Variants in ATAD2B observed in about 807,000 individuals in gnomAD.
ATAD2B encodes ATPase family AAA domain-containing protein 2B.
Under a neutral mutation model 167.6 loss-of-function variants are expected in ATAD2B, and 40 were observed. The ratio of observed to expected loss-of-function variants is 0.24; its 90% CI spans 0.19 to 0.31. The LOEUF is 0.31. Ranked by LOEUF, ATAD2B falls within the 10% of genes least tolerant of loss-of-function variation. The pLI is 1.00. For synonymous variants in ATAD2B, 579 were observed against 596.5 expected (o/e 0.97, Z 0.43); for missense variants, 1,242 against 1,757.2 (o/e 0.71, Z 5.24).
At chr2:23,746,743 C>A (rs1360569683), downstream of ATAD2B, among the ~76,000 whole-genome samples, 2 of 152,160 alleles carry the variant, frequency 1.3e-5, no homozygotes, top group Non-Finnish European at 2.9e-5. Context: ...AGCTAGGTTT[C>A]TCACCAAGAT....
At chr2:23,683,413 C>T in the ATAD2B span, among the ~76,000 whole-genome samples, 14 of 152,356 alleles carry the variant, frequency 9.2e-5, no homozygotes, top group East Asian at 2.5e-3. Flanking sequence ...TGAGGCAAGG[C>T]TGTTGTGGGG....
intron 1 of ATAD2B, among the ~76,000 whole-genome samples, chr2:23,911,362 T>C (rs769375410): frequency 2.6e-5 from 4 of 151,852 alleles, no homozygotes; most frequent in Non-Finnish European, 5.9e-5. Flanking sequence ...TGAAACCAGC[T>C]TGGCATCTGG....
chr2:23,805,097 C>T (rs1294792092), intron 18 of ATAD2B, among the ~76,000 whole-genome samples: 1 of 150,418 alleles, frequency 6.6e-6, no homozygotes, highest in Non-Finnish European at 1.5e-5. Flanking sequence ...GAGCCGAGAT[C>T]ACGCTATTGT....
chr2:23,867,871 G>A lies in ATAD2B; in HGVS notation c.1152C>T (p.Ser384=). Residue 384 remains serine (S), a synonymous_variant, in exon 10 of 28, where the codon AGC becomes AGT. Coordinates refer to ENST00000238789, the MANE Select transcript of ATAD2B (RefSeq NM_017552.4). ...ILRERVKVGA[S]LADVDPMNID... is the part of the protein sequence containing the mutation. ...TGTTCATTGGATCAACATCAGCCAAGCTTGCACCCACTTTCACTCGTTCTC... is the reference window on the plus strand; with the variant it reads ...TGTTCATTGGATCAACATCAGCCAAACTTGCACCCACTTTCACTCGTTCTC... The A allele has an allele frequency of 6.2e-7, 1 of 1,613,528 alleles. No homozygotes were observed. The highest frequency in any genetic ancestry group is 8.5e-7 in the Non-Finnish European group (1 of 1,179,596).
chr2:23,802,208 A>G (rs1407793446), intron 18 of ATAD2B, among the ~76,000 whole-genome samples: 2 of 150,798 alleles, frequency 1.3e-5, no homozygotes, highest in Non-Finnish European at 3.0e-5. Context: ...AACATCCTCA[A>G]TATTTATAAA....
intron 1 of ATAD2B, among the ~76,000 whole-genome samples, chr2:23,909,490 A>C (rs888256938): frequency 6.6e-6 from 1 of 151,954 alleles, no homozygotes; most frequent in Non-Finnish European, 1.5e-5. Context: ...ACATACATAC[A>C]TACATATATA....
chr2:23,778,272 A>G (rs890617283), intron 22 of ATAD2B, among the ~76,000 whole-genome samples: 2 of 152,244 alleles, frequency 1.3e-5, no homozygotes, highest in African/African-American at 4.8e-5. Context: ...TGCATTTTGT[A>G]GTAAAATATT....
chr2:23,691,798 G>A, the ATAD2B span: 6 of 1,551,686 alleles, frequency 3.9e-6, no homozygotes, highest in South Asian at 7.1e-5. Context: ...CATCGACTCG[G>A]CCAACGCCAA....
chr2:23,696,522 G>A, the ATAD2B span: 1 of 1,512,908 alleles, frequency 6.6e-7, no homozygotes, highest in Non-Finnish European at 8.9e-7. This position sits in a 1 kb window ranked among gnomAD's most constrained non-coding sequence, Gnocchi z 5.5. Flanking sequence ...AGGTAATGAG[G>A]CCACGGTCAG....
chr2:23,793,860 T>C (rs1170236999), intron 19 of ATAD2B, among the ~76,000 whole-genome samples: 1 of 152,234 alleles, frequency 6.6e-6, no homozygotes, highest in Non-Finnish European at 1.5e-5. Flanking sequence ...ATGTGAGCTA[T>C]ATGCATCAAT....
chr2:23,739,266 T>C, the ATAD2B span, among the ~76,000 whole-genome samples: 7 of 152,006 alleles, frequency 4.6e-5, no homozygotes, highest in East Asian at 1.9e-4. Flanking sequence ...AGCACCACAC[T>C]ACACCTACTC....
chr2:23,901,650 G>A (rs1328606665), intron 1 of ATAD2B, among the ~76,000 whole-genome samples: 1 of 152,026 alleles, frequency 6.6e-6, no homozygotes, highest in Non-Finnish European at 1.5e-5. Context: ...ATTATTAGGG[G>A]CAAGAAAGGA....
In ATAD2B at chr2:23,916,670, T is replaced by G. The variant is rs527546651; in HGVS notation, c.216+9885A>C. Among the ~76,000 whole-genome samples, 9 of 152,270 alleles carry G rather than the reference T, an allele frequency of 5.9e-5. No individual in the cohort carries two copies. In the South Asian group the frequency reaches 1.7e-3, roughly 28 times the overall value. On this transcript the variant is annotated intron_variant, in intron 1 of 27. Transcript: ENST00000238789. ...CCTATTTCTTCACTTAATTCTAAAT[T>G]TGCCACAAAAATGTAGTGTTAAAGA...
At chr2:23,711,961 T>G in the ATAD2B span, among the ~76,000 whole-genome samples, 10 of 152,188 alleles carry the variant, frequency 6.6e-5, no homozygotes, top group African/African-American at 2.4e-4. Context: ...CTTCACCCTT[T>G]AAGAAGACGA....
At chr2:23,781,730 C>A (rs969250309) in intron 22 of ATAD2B, among the ~76,000 whole-genome samples, 1 of 148,340 alleles carries the variant, frequency 6.7e-6, no homozygotes, top group Non-Finnish European at 1.5e-5. Context: ...TGAATGACTG[C>A]TGTTTCTTTT....
chr2:23,911,664 C>T (rs544743865), intron 1 of ATAD2B, among the ~76,000 whole-genome samples: 10 of 152,102 alleles, frequency 6.6e-5, no homozygotes, highest in Non-Finnish European at 1.0e-4. Flanking sequence ...AACAATCACA[C>T]ATGCACACAC....
At chr2:23,781,989 A>AT (rs1680145163) in intron 22 of ATAD2B, among the ~76,000 whole-genome samples, 1 of 151,884 alleles carries the variant, frequency 6.6e-6, no homozygotes, top group African/African-American at 2.4e-5. Flanking sequence ...AATTTTTGTA[A>AT]TTTTTTTGTA....
At chr2:23,807,969 TTATAAA>T in intron 18 of ATAD2B, among the ~76,000 whole-genome samples, 1 of 114,516 alleles carries the variant, frequency 8.7e-6, no homozygotes, top group African/African-American at 3.1e-5. Flanking sequence ...AATATATATA[TTATAAA>T]TATATTTATA....
intron 8 of ATAD2B, chr2:23,872,755 C>T: frequency 1.0e-6 from 1 of 975,170 alleles, no homozygotes; most frequent in South Asian, 1.3e-5. Flanking sequence ...CACTGAGGCA[C>T]CAAGTCCTCA....
Sources: gnomAD v4.1 joint callset for allele counts (sites outside exome capture counted in the v4.1 genomes callset) on GRCh38, gnomAD v4.1.1 for gene constraint, Gnocchi (gnomAD v3.1) non-coding constraint, MANE v1.5 for transcripts, NCBI Gene and HGNC (gene_info 2026-07-23, HGNC 2026-07-21) for gene names.